The following FHIT variants were observed in gnomAD, a reference collection of about 807,000 sequenced individuals.
FHIT encodes the protein bis(5'-adenosyl)-triphosphatase.
In FHIT, 19 loss-of-function variants were observed where a neutral mutation model predicts 17.9. That is an observed-to-expected ratio of 1.06 (90% CI 0.74 to 1.56). The LOEUF is 1.56. FHIT is among the 40% of genes most tolerant of loss of function. FHIT has a pLI of 0.00. For missense variants in FHIT, 248 were observed against 189.2 expected, an observed-to-expected ratio of 1.31 and a Z score of -1.82; for synonymous variants, 81 against 69.7, an observed-to-expected ratio of 1.16 and a Z score of -0.81.
intron 1 of FHIT, among the ~76,000 whole-genome samples, chr3:61,250,695 G>A (rs1048033341): frequency 6.6e-6 from 1 of 151,308 alleles, no homozygotes; most frequent in Non-Finnish European, 1.5e-5. Flanking sequence ...TCCCCCCTTT[G>A]ACGCTAAAAA....
chr3:60,123,743 C>A (rs1705364140), intron 5 of FHIT, among the ~76,000 whole-genome samples: 1 of 151,408 alleles, frequency 6.6e-6, no homozygotes, highest in Non-Finnish European at 1.5e-5. Context: ...CGCCAGTGCC[C>A]ACTTTAAGTT....
chr3:59,942,316 T>C (rs937770019), intron 7 of FHIT, among the ~76,000 whole-genome samples: 2 of 152,196 alleles, frequency 1.3e-5, no homozygotes, highest in Non-Finnish European at 2.9e-5. Flanking sequence ...TTTCCATGCC[T>C]TTGCCATACA....
intron 5 of FHIT, among the ~76,000 whole-genome samples, chr3:60,376,218 C>A (rs1443415949): frequency 6.6e-6 from 1 of 152,168 alleles, no homozygotes; most frequent in Non-Finnish European, 1.5e-5. Flanking sequence ...AAAGCCCATG[C>A]TTGACACCAC....
chr3:60,124,775 G>A (rs12107521), intron 5 of FHIT, among the ~76,000 whole-genome samples: 5,352 of 152,186 alleles, frequency 0.035, 122 homozygotes, highest in South Asian at 0.1. Flanking sequence ...ACCCATGTTT[G>A]ACACCAACTA....
At chr3:60,581,532 G>A (rs1425952678) in intron 4 of FHIT, among the ~76,000 whole-genome samples, 1 of 151,950 alleles carries the variant, frequency 6.6e-6, no homozygotes, top group Non-Finnish European at 1.5e-5. Flanking sequence ...TCCTTCCACT[G>A]TCTCAATCTC....
chr3:60,794,379 T>G (rs556429181), intron 4 of FHIT, among the ~76,000 whole-genome samples: 23 of 150,940 alleles, frequency 1.5e-4, no homozygotes, highest in Admixed American at 1.1e-3. Flanking sequence ...GAAAAATGGA[T>G]GGATGGATGG....
intron 5 of FHIT, among the ~76,000 whole-genome samples, chr3:60,454,055 A>C (rs1369147784): frequency 6.6e-6 from 1 of 152,196 alleles, no homozygotes; most frequent in Non-Finnish European, 1.5e-5. Flanking sequence ...CTGAGCTACT[A>C]ATCAAACCAG....
intron 5 of FHIT, among the ~76,000 whole-genome samples, chr3:60,364,489 C>T (rs1427467139): frequency 6.6e-6 from 1 of 152,190 alleles, no homozygotes; most frequent in Non-Finnish European, 1.5e-5. Flanking sequence ...ACCTGGTATG[C>T]AGTAGGTAAA....
At chr3:60,426,617 T>G (rs1266268983) in intron 5 of FHIT, among the ~76,000 whole-genome samples, 1 of 152,086 alleles carries the variant, frequency 6.6e-6, no homozygotes, top group Admixed American at 6.6e-5. Context: ...ACAAAAACCC[T>G]AAAATCTAAA....
intron 8 of FHIT, among the ~76,000 whole-genome samples, chr3:59,772,201 A>C (rs534121514): frequency 6.6e-5 from 10 of 152,166 alleles, no homozygotes; most frequent in African/African-American, 2.4e-4. Flanking sequence ...AGCAAGTATA[A>C]AGTGAATGTT....
intron 4 of FHIT, among the ~76,000 whole-genome samples, chr3:60,679,823 T>C (rs1041325758): frequency 7.2e-5 from 11 of 152,156 alleles, no homozygotes; most frequent in Admixed American, 2.6e-4. Context: ...TGGGGTTTTT[T>C]TTGCATGTTT....
intron 8 of FHIT, among the ~76,000 whole-genome samples, chr3:59,761,132 C>T (rs1286319450): frequency 6.6e-6 from 1 of 152,184 alleles, no homozygotes; most frequent in African/African-American, 2.4e-5. Context: ...TCTTGCCCAA[C>T]AGTTGGGTCT....
At chr3:60,205,959 A>T (rs55881626) in intron 5 of FHIT, among the ~76,000 whole-genome samples, 3,031 of 149,362 alleles carry the variant, frequency 0.02, 56 homozygotes, top group Middle Eastern at 0.053. Context: ...ATACAAAAAT[A>T]AAAAAAAATA....
At chr3:60,635,634 G>C (rs1246337969) in intron 4 of FHIT, among the ~76,000 whole-genome samples, 1 of 152,152 alleles carries the variant, frequency 6.6e-6, no homozygotes. Flanking sequence ...TTGCTGCCTG[G>C]CTGACTCTTA....
At chr3:60,242,209 C>T (rs998473408) in intron 5 of FHIT, among the ~76,000 whole-genome samples, 1 of 152,038 alleles carries the variant, frequency 6.6e-6, no homozygotes. Flanking sequence ...CTTACAGCAT[C>T]ACATGGTATT....
At chr3:60,634,517 A>C (rs2039529002) in intron 4 of FHIT, among the ~76,000 whole-genome samples, 3 of 152,212 alleles carry the variant, frequency 2.0e-5, no homozygotes, top group Admixed American at 1.3e-4. Context: ...CTTTCATTAC[A>C]GAGTGTTAAA....
intron 5 of FHIT, among the ~76,000 whole-genome samples, chr3:60,411,593 C>G (rs550593180): frequency 6.6e-6 from 1 of 152,250 alleles, no homozygotes; most frequent in East Asian, 1.9e-4. Flanking sequence ...CTCAGCTGAA[C>G]GTTGTTTATT....
intron 5 of FHIT, among the ~76,000 whole-genome samples, chr3:60,018,204 G>A (rs1434985192): frequency 1.3e-5 from 2 of 152,154 alleles, no homozygotes; most frequent in African/African-American, 2.4e-5. Flanking sequence ...AGAGAGACAG[G>A]AGGGAGGTGC....
chr3:60,679,750 C>A (rs1317142908), intron 4 of FHIT, among the ~76,000 whole-genome samples: 3 of 151,950 alleles, frequency 2.0e-5, no homozygotes, highest in Admixed American at 6.6e-5. Context: ...TTAAAAAATT[C>A]TTTTTCTAGG....
Sources: gnomAD v4.1 joint callset for allele counts (sites outside exome capture counted in the v4.1 genomes callset) on GRCh38, gnomAD v4.1.1 for gene constraint, MANE v1.5 for transcripts, NCBI Gene and HGNC (gene_info 2026-07-23, HGNC 2026-07-21) for gene names.